ANKRD42: variants seen among roughly 807,000 people sequenced by gnomAD.
ANKRD42 encodes ankyrin repeat domain 42.
ANKRD42 carries 43 observed loss-of-function variants against 51.5 expected under a neutral mutation model. That is an observed-to-expected ratio of 0.83 (90% CI 0.65 to 1.08). ANKRD42 has a LOEUF of 1.08. ANKRD42 is among the 50% of genes least tolerant of loss of function. The pLI, the probability that ANKRD42 is intolerant of heterozygous loss-of-function variation, is 0.00. For missense variants in ANKRD42, 608 were observed against 629.3 expected (o/e 0.97, Z 0.36); for synonymous variants, 203 against 213.0 (o/e 0.95, Z 0.41).
chr11:83,210,822 G>T (rs1296913324), intron 4 of ANKRD42, among the ~76,000 whole-genome samples: 3 of 152,138 alleles, frequency 2.0e-5, no homozygotes, highest in Admixed American at 2.0e-4. Flanking sequence ...CAGAAATTTT[G>T]TTTATTGCAA....
intron 2 of ANKRD42, among the ~76,000 whole-genome samples, chr11:83,200,511 A>G (rs551732910): frequency 2.8e-4 from 43 of 152,266 alleles, no homozygotes; most frequent in Non-Finnish European, 7.4e-5. Flanking sequence ...TTGAATCATC[A>G]TTGAGTTGTT....
downstream of ANKRD42, chr11:83,259,267 T>C (rs1012719372): frequency 2.0e-5 from 3 of 152,122 alleles, no homozygotes; most frequent in Non-Finnish European, 4.4e-5. Context: ...AGAAACACAA[T>C]CCTCTCATCC....
At chr11:83,235,324 G>A (rs1282115343) in intron 7 of ANKRD42, among the ~76,000 whole-genome samples, 1 of 152,156 alleles carries the variant, frequency 6.6e-6, no homozygotes, top group East Asian at 1.9e-4. Context: ...AATACCTGAT[G>A]TATATATACT....
intron 10 of ANKRD42, 133 bp from the exon 11 acceptor site, chr11:83,247,810 A>T: frequency 1.2e-6 from 1 of 835,886 alleles, no homozygotes; most frequent in Non-Finnish European, 1.8e-6. Flanking sequence ...GTAGACCCTT[A>T]ATACATATTT....
Position 83,248,334 on chromosome 11 carries a change from CACTCTA to C in ANKRD42, c.*131_*136del. 7.8e-7 allele frequency: 1 copy of C among 1,276,166 alleles called. No individual in the cohort carries two copies. The highest frequency in any genetic ancestry group is 2.4e-5 in the South Asian group (1 of 40,926). 79.1% of individuals were successfully genotyped at this position (1,276,166 alleles called of 1,614,324 possible). ...ACACACACACACACACACACACACA[CACTCTA>C]TATGTAACTATAACTTTCTAGATAC... On this transcript the variant is annotated 3_prime_UTR_variant, in exon 11 of 11. Transcript: ENST00000533342.
intron 5 of ANKRD42, among the ~76,000 whole-genome samples, chr11:83,219,618 A>G (rs572996857): frequency 1.9e-4 from 29 of 152,186 alleles, no homozygotes; most frequent in Non-Finnish European, 3.7e-4. Context: ...CTGTGTCCCA[A>G]CTGACTATAT....
intron 2 of ANKRD42, among the ~76,000 whole-genome samples, chr11:83,205,473 A>G (rs982126432): frequency 5.1e-4 from 77 of 152,256 alleles, no homozygotes; most frequent in African/African-American, 1.7e-3. Flanking sequence ...ACTTGAACAT[A>G]TAAAGACAGT....
intron 9 of ANKRD42, among the ~76,000 whole-genome samples, chr11:83,242,577 T>TGTTTG (rs796102869): frequency 2.2e-4 from 31 of 141,124 alleles, no homozygotes; most frequent in Non-Finnish European, 3.6e-4. Context: ...GTTTTTTTTT[T>TGTTTG]TTTTTTTTAG....
Position 83,234,817 on chromosome 11 carries a change from A to G in ANKRD42, c.914-1587A>G, listed in dbSNP as rs1286840272. On this transcript the variant is annotated intron_variant, in intron 7 of 10. Transcript: ENST00000533342. The stretch of plus-strand genomic sequence containing the variant: ...GGGTTCTGGATAGGCTGTAGGAGAG[A>G]GAGAAGCCCCAGACTCTGCAGAAGC... 2.0e-5 allele frequency among the ~76,000 whole-genome samples: 3 copies of G among 152,156 alleles called. No individual in the cohort carries two copies. In the East Asian group the frequency reaches 5.8e-4, roughly 29 times the overall value.
intron 8 of ANKRD42, among the ~76,000 whole-genome samples, chr11:83,239,044 A>G (rs1863309521): frequency 1.3e-5 from 2 of 151,972 alleles, no homozygotes; most frequent in Admixed American, 1.3e-4. Flanking sequence ...AATGGATGTC[A>G]ATTTCTGTTG....
intron 3 of ANKRD42, among the ~76,000 whole-genome samples, chr11:83,207,176 C>T (rs148666766): frequency 2.7e-3 from 415 of 152,230 alleles, no homozygotes; most frequent in African/African-American, 8.2e-3. Flanking sequence ...CATCAGATCT[C>T]GTGAGAACTC....
At chr11:83,223,966 A>T (rs1590989023) in intron 5 of ANKRD42, among the ~76,000 whole-genome samples, 2 of 146,702 alleles carry the variant, frequency 1.4e-5, no homozygotes, top group Admixed American at 6.8e-5. Flanking sequence ...TTTTTGCATG[A>T]AGTTTTAGGT....
chr11:83,258,032 C>T (rs931738517), downstream of ANKRD42, among the ~76,000 whole-genome samples: 1 of 152,184 alleles, frequency 6.6e-6, no homozygotes, highest in Non-Finnish European at 1.5e-5. Flanking sequence ...TATAATGCCA[C>T]CTCTTGCTCT....
chr11:83,231,212 C>G (rs558107174), intron 7 of ANKRD42, among the ~76,000 whole-genome samples: 6 of 152,310 alleles, frequency 3.9e-5, no homozygotes, highest in Admixed American at 2.0e-4. Flanking sequence ...CACATCCTCA[C>G]CAGCATTCGT....
chr11:83,241,607 G>A (rs1043369032), intron 9 of ANKRD42, among the ~76,000 whole-genome samples: 1 of 152,160 alleles, frequency 6.6e-6, no homozygotes, highest in African/African-American at 2.4e-5. Context: ...GAATCCCTAA[G>A]GAAGTGGCGA....
At chr11:83,201,307 T>C (rs139297184) in intron 2 of ANKRD42, among the ~76,000 whole-genome samples, 64 of 152,344 alleles carry the variant, frequency 4.2e-4, no homozygotes, top group African/African-American at 1.5e-3. Context: ...GCTTCATCCA[T>C]GGCCCCGCAA....
chr11:83,245,695 C>A, intron 10 of ANKRD42, 71 bp downstream of exon 10: 1 of 1,437,356 alleles, frequency 7.0e-7, no homozygotes, highest in South Asian at 1.4e-5. Context: ...GTTTGTTGAT[C>A]AGCAACTTTT....
At chr11:83,216,368 GGCTGGAGTGCAGT>G (rs1565184657) in intron 5 of ANKRD42, among the ~76,000 whole-genome samples, 1 of 150,880 alleles carries the variant, frequency 6.6e-6, no homozygotes, top group African/African-American at 2.4e-5. Context: ...CTGTCGCCCA[GGCTGGAGTGCAGT>G]GGCGCAATCT....
chr11:83,220,125 A>T (rs637309), intron 5 of ANKRD42, among the ~76,000 whole-genome samples: 48,100 of 152,074 alleles, frequency 0.32, 7,748 homozygotes, highest in Non-Finnish European at 0.34. Context: ...CTCAACCAGG[A>T]TATCTGGGAG....
Sources: allele counts gnomAD v4.1 joint callset (sites outside exome capture counted in the v4.1 genomes callset), GRCh38; gene constraint gnomAD v4.1.1; transcripts MANE v1.5; gene names NCBI Gene and HGNC (gene_info 2026-07-23, HGNC 2026-07-21).